PRDM11: variants seen among roughly 807,000 people sequenced by gnomAD.
The protein encoded by PRDM11 is PR domain-containing protein 11.
Under a neutral mutation model 97.8 loss-of-function variants are expected in PRDM11, and 20 were observed. The observed-to-expected ratio is 0.20, with a 90% CI of 0.14 to 0.30. PRDM11 has a LOEUF of 0.30. PRDM11 is among the 10% of genes least tolerant of loss of function. The pLI is 1.00. For synonymous variants in PRDM11, 599 were observed against 637.7 expected, an observed-to-expected ratio of 0.94 and a Z score of 0.91; for missense variants, 1,139 against 1,555.2, an observed-to-expected ratio of 0.73 and a Z score of 4.50.
At chr11:45,123,103 G>T (rs920891261) in intron 1 of PRDM11, among the ~76,000 whole-genome samples, 1 of 152,066 alleles carries the variant, frequency 6.6e-6, no homozygotes, top group Non-Finnish European at 1.5e-5. Context: ...GTGATGATGA[G>T]CATTTTTTCA....
intron 1 of PRDM11, among the ~76,000 whole-genome samples, chr11:45,108,268 A>T (rs1306363402): frequency 2.6e-5 from 4 of 151,986 alleles, no homozygotes; most frequent in Non-Finnish European, 5.9e-5. Flanking sequence ...CATGAGTGTG[A>T]CCCGCTGCCC....
chr11:45,226,486 C>T lies in PRDM11; in HGVS notation c.1861C>T (p.Leu621Phe). The change falls in exon 8 of 8, where the codon CTC becomes TTC. Residue 621 changes from leucine (L) to phenylalanine (F), a missense_variant. Leu to Phe is a conservative substitution (Grantham distance 22, BLOSUM62 0). Around this residue, in one of 2 missense-constraint regions of PRDM11, gnomAD observed 710 missense variants for 1,044.9 expected, o/e 0.68. Transcript: ENST00000683152. ...GGCGGAGCTGCTGAGGAAGTGTGAG[C>T]TCAAGGTGGTGGACCAGTACATGAA... is the stretch of plus-strand genomic sequence containing the variant. ...PLAELLRKCE[L>F]KVVDQYMNEG... 1 of 1,533,976 alleles carries T rather than the reference C, an allele frequency of 6.5e-7. No individual in the cohort carries two copies. The highest frequency in any genetic ancestry group is 8.7e-7 in the Non-Finnish European group (1 of 1,146,734).
rs188316563 is a variant in PRDM11, at chr11:45,199,508, T to A, written c.487-5203T>A. ...TCTTCTTCTCCAGGCTAAGGGAGCC[T>A]CTCACCATGCAGGTTCCCCAGGTTA... On this transcript the variant is annotated intron_variant, in intron 4 of 7. Coordinates refer to ENST00000683152, the MANE Select transcript of PRDM11 (RefSeq NM_001384648.1). Among the ~76,000 whole-genome samples the A allele has an allele frequency of 2.7e-3, 415 of 152,308 alleles. 3 individuals are homozygous for A. Among genetic ancestry groups the A allele is most frequent in the Non-Finnish European group, 2.3e-3 (159 of 68,014 alleles).
At chr11:45,205,497 T>C (rs536548513) in intron 5 of PRDM11, among the ~76,000 whole-genome samples, 3 of 151,904 alleles carry the variant, frequency 2.0e-5, no homozygotes, top group East Asian at 3.9e-4. Context: ...GCCTGCTTGG[T>C]GGCCTCTCTC....
chr11:45,128,158 G>A (rs1046030560), intron 1 of PRDM11, among the ~76,000 whole-genome samples: 1 of 152,200 alleles, frequency 6.6e-6, no homozygotes, highest in Non-Finnish European at 1.5e-5. Context: ...CCATGTGCAG[G>A]ATATAATCTC....
At chr11:45,199,196 C>T (rs1181991843) in intron 4 of PRDM11, among the ~76,000 whole-genome samples, 5 of 152,164 alleles carry the variant, frequency 3.3e-5, no homozygotes, top group African/African-American at 9.7e-5. Context: ...TCATTTTAGA[C>T]AGAACTTTGA....
chr11:45,164,641 G>A (rs1225968823), intron 1 of PRDM11, among the ~76,000 whole-genome samples: 1 of 152,228 alleles, frequency 6.6e-6, no homozygotes, highest in Non-Finnish European at 1.5e-5. Context: ...ATCATGATTT[G>A]GGGTAAATGA....
intron 1 of PRDM11, among the ~76,000 whole-genome samples, chr11:45,129,343 G>A (rs537301477): frequency 2.6e-5 from 4 of 152,160 alleles, no homozygotes; most frequent in South Asian, 4.2e-4. Flanking sequence ...GACTTAAAAC[G>A]AAAGAATAAA....
chr11:45,201,783 C>T (rs913555704), intron 4 of PRDM11, among the ~76,000 whole-genome samples: 13 of 152,006 alleles, frequency 8.6e-5, no homozygotes, highest in African/African-American at 1.4e-4. Context: ...CTGGCTAACA[C>T]GGTGAAACGC....
intron 1 of PRDM11, among the ~76,000 whole-genome samples, chr11:45,135,870 G>T (rs1365859936): frequency 6.6e-6 from 1 of 152,166 alleles, no homozygotes; most frequent in Admixed American, 6.5e-5. Flanking sequence ...TCCACAAAAG[G>T]CCTGCCCAGG....
intron 1 of PRDM11, among the ~76,000 whole-genome samples, chr11:45,105,316 C>T (rs1852042565): frequency 1.3e-5 from 2 of 152,202 alleles, no homozygotes; most frequent in South Asian, 4.1e-4. Context: ...ACATTCAGAC[C>T]ATAGCACCCC....
chr11:45,182,981 A>G lies in PRDM11; in HGVS notation c.344A>G (p.Gln115Arg). ...GACCGGGCGGCGCTCACCATCCCACAGGGCATGGAGGTGGTCAAGGACACT... is the reference window on the plus strand; with the variant it reads ...GACCGGGCGGCGCTCACCATCCCACGGGGCATGGAGGTGGTCAAGGACACT... ...IPDRAALTIP[Q>R]GMEVVKDTSG... Residue 115 changes from glutamine to arginine, a missense_variant, in exon 4 of 8, where the codon CAG becomes CGG. By Grantham distance (43) the Gln-to-Arg change is conservative (BLOSUM62 1). This residue lies in a region of PRDM11 where 429 missense variants were observed against 510.3 expected (regional missense o/e 0.84). Transcript: ENST00000683152. The G allele has an allele frequency of 6.2e-7, 1 of 1,614,046 alleles. No individual in the cohort carries two copies. Among genetic ancestry groups the G allele is most frequent in the Middle Eastern group, 1.7e-4 (1 of 6,060 alleles).
At chr11:45,169,044 A>AG (rs1449080941) in intron 1 of PRDM11, among the ~76,000 whole-genome samples, 2 of 152,096 alleles carry the variant, frequency 1.3e-5, no homozygotes, top group Non-Finnish European at 2.9e-5. Context: ...AGTGGTTGGG[A>AG]GGAGCCCCCT....
At chr11:45,186,733 A>G (rs1230586902) in intron 4 of PRDM11, among the ~76,000 whole-genome samples, 2 of 152,172 alleles carry the variant, frequency 1.3e-5, no homozygotes, top group Admixed American at 1.3e-4. Context: ...AGCAATTATT[A>G]TATGCCAGGT....
At chr11:45,189,532 A>G (rs1202309138) in intron 4 of PRDM11, among the ~76,000 whole-genome samples, 2 of 152,188 alleles carry the variant, frequency 1.3e-5, no homozygotes, top group African/African-American at 2.4e-5. Flanking sequence ...CTGATACTGG[A>G]TAGGTTTCCC....
In PRDM11 at chr11:45,103,778, A is replaced by G. The variant is rs1404280572; in HGVS notation, c.96+7877A>G. Among the ~76,000 whole-genome samples, 9 of 147,938 alleles carry G rather than the reference A, an allele frequency of 6.1e-5. No individual in the cohort carries two copies. The South Asian group carries it at 1.9e-3, about 31-fold the overall frequency. ...ATATAATATATAACATATATATTAT[A>G]TATAAATTATATATATAAAAATTAT... On this transcript the variant is annotated intron_variant, in intron 1 of 6. Coordinates refer to the PRDM11 transcript ENST00000530656.
intron 1 of PRDM11, among the ~76,000 whole-genome samples, chr11:45,138,383 T>C (rs968441238): frequency 2.0e-5 from 3 of 152,012 alleles, no homozygotes; most frequent in Admixed American, 2.0e-4. Flanking sequence ...CTGGGGAACA[T>C]AGTGAGACCC....
chr11:45,204,908 GCATCTAGCTCTGAAGGACC>G, intron 5 of PRDM11, 130 bp downstream of exon 5: 1 of 965,366 alleles, frequency 1.0e-6, no homozygotes, highest in Non-Finnish European at 1.6e-6. Context: ...GGGTTTGGAT[GCATCTAGCTCTGAAGGACC>G]CACCTTTTCC....
chr11:45,129,571 AC>A (rs1275904443), intron 1 of PRDM11, among the ~76,000 whole-genome samples: 2 of 152,210 alleles, frequency 1.3e-5, no homozygotes, highest in Non-Finnish European at 2.9e-5. Context: ...AAGAATACAT[AC>A]AATGAAAAAT....
Sources: allele counts gnomAD v4.1 joint callset (sites outside exome capture counted in the v4.1 genomes callset), GRCh38; gene constraint gnomAD v4.1.1; regional missense constraint gnomAD v4.1.1; transcripts MANE v1.5; gene names NCBI Gene and HGNC (gene_info 2026-07-23, HGNC 2026-07-21).